MAPK9: variants seen among roughly 807,000 people sequenced by gnomAD.
MAPK9 encodes the protein Jun kinase.
Under a neutral mutation model 57.1 loss-of-function variants are expected in MAPK9, and 30 were observed. The observed-to-expected ratio is 0.53, with a 90% CI of 0.39 to 0.71. The LOEUF (loss-of-function observed/expected upper bound fraction) is 0.71, where lower values mean the gene tolerates loss of function less well. MAPK9 is among the 30% of genes least tolerant of loss of function. MAPK9 has a pLI of 0.00. For synonymous variants in MAPK9, 155 were observed against 177.0 expected (o/e 0.88, Z 0.99); for missense variants, 362 against 521.0 (o/e 0.69, Z 2.97).
intron 1 of MAPK9, among the ~76,000 whole-genome samples, chr5:180,289,882 G>A (rs547947908): frequency 2.0e-5 from 3 of 152,326 alleles, no homozygotes; most frequent in African/African-American, 7.2e-5. Flanking sequence ...TAGAGACAGG[G>A]TCTTGCTCTG....
chr5:180,265,074 G>A (rs1456240701), intron 3 of MAPK9, among the ~76,000 whole-genome samples: 1 of 152,100 alleles, frequency 6.6e-6, no homozygotes, highest in African/African-American at 2.4e-5. Flanking sequence ...AATTATTACA[G>A]AATTTAAACA....
intron 2 of MAPK9, among the ~76,000 whole-genome samples, chr5:180,276,787 G>T (rs562657237): frequency 2.6e-4 from 40 of 152,338 alleles, no homozygotes; most frequent in African/African-American, 9.1e-4. Flanking sequence ...CCGCGAGGCG[G>T]AGGTTGCGGT....
At chr5:180,261,397 C>T (rs1164821469) in intron 5 of MAPK9, among the ~76,000 whole-genome samples, 2 of 152,210 alleles carry the variant, frequency 1.3e-5, no homozygotes, top group African/African-American at 2.4e-5. Context: ...AAATTTTTCT[C>T]TAAGTTTTAA....
In MAPK9 at chr5:180,280,548, T is replaced by C; in HGVS notation, c.14A>G (p.Lys5Arg). Residue 5 changes from lysine to arginine, a missense_variant, in exon 2 of 12, where the codon AAA becomes AGA. Lys to Arg is a conservative substitution (Grantham distance 26, BLOSUM62 2). Coordinates refer to ENST00000452135, the MANE Select transcript of MAPK9 (RefSeq NM_002752.5). MSDS[K>R]CDSQFYSVQV... ...CACACTATAAAACTGACTGTCACAT[T>C]TACTGTCGCTCATGATGCAGCGTCC... The C allele has an allele frequency of 6.2e-7, 1 of 1,613,984 alleles. No homozygotes were observed. Among genetic ancestry groups the C allele is most frequent in the Non-Finnish European group, 8.5e-7 (1 of 1,179,936 alleles).
intron 2 of MAPK9, among the ~76,000 whole-genome samples, chr5:180,273,640 C>T (rs964221237): frequency 6.6e-6 from 1 of 152,248 alleles, no homozygotes; most frequent in African/African-American, 2.4e-5. Context: ...TATATATTTA[C>T]AGCAATTCAA....
intron 2 of MAPK9, among the ~76,000 whole-genome samples, chr5:180,274,605 G>A (rs1761650441): frequency 6.6e-6 from 1 of 152,212 alleles, no homozygotes; most frequent in East Asian, 1.9e-4. Flanking sequence ...CCAACAGGCT[G>A]AAGGAGCTTG....
chr5:180,288,896 T>G (rs1263864793), intron 1 of MAPK9, among the ~76,000 whole-genome samples: 1 of 152,378 alleles, frequency 6.6e-6, no homozygotes, highest in Non-Finnish European at 1.5e-5. Context: ...GACACTATTC[T>G]GTTTATTTTG....
At chr5:180,264,535 T>C (rs1263384929) in intron 4 of MAPK9, among the ~76,000 whole-genome samples, 1 of 152,260 alleles carries the variant, frequency 6.6e-6, no homozygotes, top group Non-Finnish European at 1.5e-5. Context: ...TTAGTGATCC[T>C]GGTCTGCTCT....
chr5:180,249,929 T>C (rs898280814), intron 5 of MAPK9, among the ~76,000 whole-genome samples: 14 of 152,212 alleles, frequency 9.2e-5, no homozygotes, highest in Non-Finnish European at 1.5e-4. Context: ...GTGGCTGCCA[T>C]ACTGGACAGC....
chr5:180,286,889 A>T (rs1191415486), intron 1 of MAPK9: 2 of 152,254 alleles, frequency 1.3e-5, no homozygotes, highest in Admixed American at 1.3e-4. Flanking sequence ...GAAACAACCC[A>T]AACCTGTCCT....
intron 7 of MAPK9, among the ~76,000 whole-genome samples, chr5:180,244,141 G>A (rs919748469): frequency 3.9e-5 from 6 of 152,062 alleles, no homozygotes; most frequent in South Asian, 2.1e-4. Flanking sequence ...GAGCCACTGC[G>A]CCCAGCCCAC....
chr5:180,259,033 CA>C (rs35532910), intron 5 of MAPK9, among the ~76,000 whole-genome samples: 60,109 of 132,416 alleles, frequency 0.45, 12,466 homozygotes, highest in African/African-American at 0.53. Context: ...GACTCTGTTT[CA>C]AAAAAAAAAA....
At position 180,241,098 on chromosome 5, in the gene MAPK9, A is replaced by T; in HGVS notation, c.929T>A (p.Ile310Asn). The change falls in exon 9 of 12, where the codon ATC (isoleucine) becomes AAC (asparagine). Residue 310 changes from isoleucine (I) to asparagine (N), a missense_variant. Ile to Asn is a moderately radical substitution (Grantham distance 149). Transcript: ENST00000452135. ...KMLVIDPDKR[I>N]SVDEALRHPY... is the part of the protein sequence containing the mutation. ...GTGACGCAGAGCTTCGTCTACAGAG[A>T]TCCGCTTGTCAGGATCAATCACTAA... 1.2e-6 allele frequency: 2 copies of T among 1,614,154 alleles called. No homozygotes were observed. Among genetic ancestry groups the T allele is most frequent in the Non-Finnish European group, 1.7e-6 (2 of 1,180,004 alleles).
chr5:180,267,511 G>A (rs995642044), intron 3 of MAPK9, among the ~76,000 whole-genome samples: 6 of 145,564 alleles, frequency 4.1e-5, no homozygotes, highest in Non-Finnish European at 7.5e-5. Context: ...GCAGTGAGCT[G>A]AGATCGCGCC....
chr5:180,281,667 AT>A (rs1762325341), intron 1 of MAPK9, among the ~76,000 whole-genome samples: 1 of 152,208 alleles, frequency 6.6e-6, no homozygotes, highest in South Asian at 2.1e-4. Context: ...TGTGGTGATG[AT>A]TTATATTTCA....
At chr5:180,240,918 C>A in intron 9 of MAPK9, 113 bp downstream of exon 9, 2 of 1,275,266 alleles carry the variant, frequency 1.6e-6, no homozygotes, top group East Asian at 2.7e-5. Flanking sequence ...TAACTGGGAG[C>A]CCCCAAATGG....
intron 7 of MAPK9, among the ~76,000 whole-genome samples, chr5:180,244,738 C>A (rs1175728909): frequency 6.7e-6 from 1 of 149,462 alleles, no homozygotes; most frequent in African/African-American, 2.5e-5. Context: ...CGCATCGCTG[C>A]CCTCCAGCCT....
chr5:180,282,444 AG>A (rs1248359897), intron 1 of MAPK9, among the ~76,000 whole-genome samples: 2 of 152,224 alleles, frequency 1.3e-5, no homozygotes, highest in Non-Finnish European at 2.9e-5. Context: ...CAGTGCGGTA[AG>A]GGCCATAAGC....
intron 2 of MAPK9, among the ~76,000 whole-genome samples, chr5:180,278,497 C>A (rs556722107): frequency 6.6e-6 from 1 of 152,144 alleles, no homozygotes; most frequent in Non-Finnish European, 1.5e-5. Flanking sequence ...GTCAAGAGAT[C>A]GAGACCATCC....
Sources: gnomAD v4.1 joint callset for allele counts (sites outside exome capture counted in the v4.1 genomes callset) on GRCh38, gnomAD v4.1.1 for gene constraint, MANE v1.5 for transcripts, NCBI Gene and HGNC (gene_info 2026-07-23, HGNC 2026-07-21) for gene names.